Variants in ABCA7 observed in about 807,000 individuals in gnomAD.
ABCA7 encodes the protein ATP binding cassette subfamily A member 7.
Under a neutral mutation model 227.6 loss-of-function variants are expected in ABCA7, and 261 were observed. The observed-to-expected ratio is 1.15, with a 90% CI of 1.04 to 1.27. ABCA7 has a LOEUF of 1.27. ABCA7 is among the 50% of genes most tolerant of loss of function. The pLI, the probability that ABCA7 is intolerant of heterozygous loss-of-function variation, is 0.00. For missense variants in ABCA7, 3,331 were observed against 2,924.5 expected (o/e 1.14, Z -3.21); for synonymous variants, 1,488 against 1,279.7 (o/e 1.16, Z -3.47).
At position 1,052,207 on chromosome 19, in the gene ABCA7, C is replaced by A. The variant is rs555806599; in HGVS notation, c.3148-7C>A. 53 of 1,591,362 alleles carry A rather than the reference C, an allele frequency of 3.3e-5. No homozygotes were observed. The South Asian group carries it at 4.5e-4, about 14-fold the overall frequency. On this transcript the variant is annotated splice_region_variant and splice_polypyrimidine_tract_variant and intron_variant, in intron 22 of 46. Coordinates refer to ENST00000263094, the MANE Select transcript of ABCA7 (RefSeq NM_019112.4). ...GGCCAAGCCACTTGGTGCCTCTCTG[C>A]CCGCAGGCTGACACTGACATGGAGG...
intron 35 of ABCA7, among the ~76,000 whole-genome samples, 173 bp from the exon 36 acceptor site, chr19:1,057,742 A>G (rs1169349773): frequency 6.6e-6 from 1 of 152,034 alleles, no homozygotes; most frequent in East Asian, 1.9e-4. Flanking sequence ...CACCTCTAAA[A>G]AAGAAAGAAA....
chr19:1,063,427 C>T, intron 42 of ABCA7, 117 bp from the exon 43 acceptor site: 1 of 1,416,586 alleles, frequency 7.1e-7, no homozygotes, highest in Non-Finnish European at 9.5e-7. Context: ...TCACATTTGC[C>T]CTGCCCCATG....
rs145071620 is a variant in ABCA7 at position 1,058,860 on chromosome 19, G to A, written c.5320G>A (p.Glu1774Lys). ...TCTGCCACTCCTGGGAGAGGAGGAC[G>A]AGGATGTAGCCCGTGAACGGGAGCG... ...RSLPLLGEED[E>K]DVARERERVV... The change falls in exon 39 of 47, where the codon GAG becomes AAG. Residue 1774 changes from glutamate to lysine, a missense_variant. Coordinates refer to ENST00000263094, the MANE Select transcript of ABCA7 (RefSeq NM_019112.4). The A allele has an allele frequency of 1.6e-5, 26 of 1,577,908 alleles. No homozygotes were observed. The East Asian group carries it at 2.0e-4, about 12-fold the overall frequency.
At chr19:1,043,873 G>A (rs1183209942) in intron 10 of ABCA7, 32 bp downstream of exon 10, 4 of 1,591,306 alleles carry the variant, frequency 2.5e-6, no homozygotes, top group Non-Finnish European at 2.6e-6. Flanking sequence ...GTGGGATGTG[G>A]CTCCCCGGTG....
chr19:1,049,327 G>T lies in ABCA7; in HGVS notation c.2442G>T (p.Lys814Asn). 1 of 1,611,592 alleles carries T rather than the reference G, an allele frequency of 6.2e-7. No homozygotes were observed. The highest frequency in any genetic ancestry group is 8.5e-7 in the Non-Finnish European group (1 of 1,179,234). Residue 814 changes from lysine to asparagine, a missense_variant, in exon 18 of 47, where the codon AAG becomes AAT. By Grantham distance (94) the Lys-to-Asn change is moderately conservative. Transcript: ENST00000263094. ...GCGTCTCCGTTCGCAGCCTGGAGAA[G>T]CGCTTTCCTGGAAGCCCGCAGCCAG... ...SPGVSVRSLE[K>N]RFPGSPQPAL...
At position 1,056,532 on chromosome 19, in the gene ABCA7, C is replaced by T. The variant is rs760764518; in HGVS notation, c.4586+33C>T. The T allele has an allele frequency of 3.2e-6, 5 of 1,585,132 alleles. No individual in the cohort carries two copies. Among genetic ancestry groups the T allele is most frequent in the Non-Finnish European group, 1.7e-6 (2 of 1,164,206 alleles). On this transcript the variant is annotated intron_variant, in intron 33 of 46. Coordinates refer to ENST00000263094, the MANE Select transcript of ABCA7 (RefSeq NM_019112.4). The surrounding 1 kb of genome is among the most constrained non-coding windows in gnomAD (Gnocchi z 4.3). ...CCTCCACCCTGCATGTCCTACCCTGCACGTCCTACCCTGCCTCCATTTCTC... is the reference window on the plus strand; with the variant it reads ...CCTCCACCCTGCATGTCCTACCCTGTACGTCCTACCCTGCCTCCATTTCTC...
Position 1,047,397 on chromosome 19 carries a change from G to A in ABCA7, c.2067+19G>A, listed in dbSNP as rs772473469. 26 of 1,554,852 alleles carry A rather than the reference G, an allele frequency of 1.7e-5. No homozygotes were observed. In the East Asian group the frequency reaches 5.6e-4, roughly 34 times the overall value. On this transcript the variant is annotated intron_variant, in intron 15 of 46. Transcript: ENST00000263094. ...GGCCGCGGTGAGAGCCGGGTCGGGC[G>A]TGGATGGGGGACGCCCCCCGCTTCG...
At position 1,058,804 on chromosome 19, in the gene ABCA7, G is replaced by A. The variant is rs371789813; in HGVS notation, c.5280-16G>A. On this transcript the variant is annotated splice_polypyrimidine_tract_variant and intron_variant, in intron 38 of 46. Transcript: ENST00000263094. ...GCCAAGGACCTACTTTAAGCCCACA[G>A]ATATTCTGTCCCCAGGCCCAGGGTG... is the stretch of plus-strand genomic sequence containing the variant. 1.6e-4 allele frequency: 261 copies of A among 1,590,616 alleles called. No homozygotes were observed. Among genetic ancestry groups the A allele is most frequent in the Non-Finnish European group, 2.0e-4 (232 of 1,165,814 alleles).
Position 1,065,556 on chromosome 19 carries a change from A to G in ABCA7, c.*131A>G. 3 of 1,155,730 alleles carry G rather than the reference A, an allele frequency of 2.6e-6. No individual in the cohort carries two copies. The highest frequency in any genetic ancestry group is 2.5e-5 in the East Asian group (1 of 39,990). 71.6% of individuals were successfully genotyped at this position (1,155,730 alleles called of 1,614,324 possible). On this transcript the variant is annotated 3_prime_UTR_variant, in exon 47 of 47. Transcript: ENST00000263094. ...AGAAAATAAAGAGAAGGCTGGAGAG[A>G]AGCCGTGGTGGTGAAACCGTGTGCA...
rs773614271 is a variant in ABCA7, at chr19:1,056,453, AACC to A, written c.4544_4546del (p.His1515del). On this transcript the variant is annotated inframe_deletion, in exon 33 of 47. Coordinates refer to ENST00000263094, the MANE Select transcript of ABCA7 (RefSeq NM_019112.4). This position sits in a 1 kb window ranked among gnomAD's most constrained non-coding sequence, Gnocchi z 4.3. ...CCACGCCCACAGCATCACCACACTC[AACC>A]ACCCCTTGAACCTCACCAAGGAGCA... is the stretch of plus-strand genomic sequence containing the variant. 4.0e-5 allele frequency: 64 copies of A among 1,613,290 alleles called. No individual in the cohort carries two copies. The African/African-American group carries it at 6.3e-4, about 16-fold the overall frequency.
intron 6 of ABCA7, 122 bp from the exon 7 acceptor site, chr19:1,042,624 C>G (rs2040173656): frequency 8.7e-7 from 1 of 1,154,564 alleles, no homozygotes; most frequent in Non-Finnish European, 1.3e-6. Context: ...CTCTCAGAGC[C>G]TCAGTTTCCC....
chr19:1,054,764 C>T lies in ABCA7; in HGVS notation c.3852-16C>T. ...TGGGGGTACAGCCCTGACCCTACAT[C>T]TCCCCTCACACACAGTGAGGACGCC... is the stretch of plus-strand genomic sequence containing the variant. On this transcript the variant is annotated splice_polypyrimidine_tract_variant and intron_variant, in intron 28 of 46. Coordinates refer to ENST00000263094, the MANE Select transcript of ABCA7 (RefSeq NM_019112.4). The surrounding 1 kb of genome is among the most constrained non-coding windows in gnomAD (Gnocchi z 4.8). The T allele has an allele frequency of 6.2e-7, 1 of 1,607,542 alleles. No individual in the cohort carries two copies. Among genetic ancestry groups the T allele is most frequent in the Non-Finnish European group, 8.5e-7 (1 of 1,176,870 alleles).
intron 12 of ABCA7, among the ~76,000 whole-genome samples, chr19:1,045,972 A>G (rs943863189): frequency 7.0e-5 from 10 of 143,510 alleles, no homozygotes; most frequent in Non-Finnish European, 1.4e-4. Context: ...GCGCCACTGC[A>G]CTCCAGCCTG....
In ABCA7 at chr19:1,048,976, C is replaced by A. The variant is rs747657133; in HGVS notation, c.2351C>A (p.Ala784Asp). The A allele has an allele frequency of 2.5e-6, 4 of 1,603,702 alleles. No individual in the cohort carries two copies. ...GGACCTCGGCCCCCCAAGAGTCCAG[C>A]CCCTTGCCCCACCCCGCTGGACCCA... ...WCGPRPPKSP[A>D]PCPTPLDPKV... is the part of the protein sequence containing the mutation. The change falls in exon 17 of 47, where the codon GCC becomes GAC. Residue 784 changes from alanine to aspartate, a missense_variant. By Grantham distance (126) the Ala-to-Asp change is moderately radical. Transcript: ENST00000263094.
chr19:1,064,806 G>A (rs1399606645), intron 45 of ABCA7, 125 bp from the exon 46 acceptor site: 9 of 1,387,950 alleles, frequency 6.5e-6, no homozygotes, highest in Non-Finnish European at 7.5e-6. Context: ...GAGACGGGAG[G>A]ACCACTTGAT....
Position 1,056,830 on chromosome 19 carries a change from T to C in ABCA7, c.4587-77T>C. Reference sequence around the variant, plus strand: ...GACTGCCCCATAGACCTTTGTCCCATCAATGGCGTGTTCAGCTCTGCTCTG... The same window carrying C: ...GACTGCCCCATAGACCTTTGTCCCACCAATGGCGTGTTCAGCTCTGCTCTG... On this transcript the variant is annotated intron_variant, in intron 33 of 46. Coordinates refer to ENST00000263094, the MANE Select transcript of ABCA7 (RefSeq NM_019112.4). The surrounding 1 kb of genome is among the most constrained non-coding windows in gnomAD (Gnocchi z 4.3). 1 of 1,483,824 alleles carries C rather than the reference T, an allele frequency of 6.7e-7. No homozygotes were observed. The highest frequency in any genetic ancestry group is 9.2e-7 in the Non-Finnish European group (1 of 1,083,856). The allele number at this position is 1,483,824 out of a possible 1,614,324, so 91.9% of individuals were successfully genotyped here. A position where few individuals can be genotyped will look rare whatever the true frequency, so the allele number is the denominator to read the frequency against.
Position 1,055,250 on chromosome 19 carries a change from G to A in ABCA7, c.4104G>A (p.Pro1368=), listed in dbSNP as rs555514637. Residue 1368 remains proline (P), a synonymous_variant, in exon 30 of 47, where the codon CCG becomes CCA. Transcript: ENST00000263094. Reference sequence around the variant, plus strand: ...CGGCTGCAGCTGGTGGTCCCCCTCCGCCCCAGGCAGTGACCGGCTCTGGGG... The same window carrying A: ...CGGCTGCAGCTGGTGGTCCCCCTCCACCCCAGGCAGTGACCGGCTCTGGGG... ...DCPAAAGGPP[P]PQAVTGSGEV... is the part of the protein sequence containing the mutation. 1.0e-4 allele frequency: 165 copies of A among 1,603,318 alleles called. 1 individual carries two copies. The highest frequency in any genetic ancestry group is 5.8e-4 in the South Asian group (52 of 89,926).
At position 1,055,167 on chromosome 19, in the gene ABCA7, C is replaced by T; in HGVS notation, c.4021C>T (p.Pro1341Ser). Reference protein sequence around the residue: ...LASGNWTPESPSPACQCSRPG... With the variant: ...LASGNWTPESSSPACQCSRPG... ...CAGTGGCAACTGGACCCCAGAGTCT[C>T]CATCCCCAGCCTGCCAGTGTAGCCG... The change falls in exon 30 of 47, where the codon CCA (proline) becomes TCA (serine). Residue 1341 changes from proline (P) to serine (S), a missense_variant. Pro to Ser is a moderately conservative substitution (Grantham distance 74). Transcript: ENST00000263094. The T allele has an allele frequency of 6.2e-7, 1 of 1,612,388 alleles. No individual in the cohort carries two copies. Among genetic ancestry groups the T allele is most frequent in the Non-Finnish European group, 8.5e-7 (1 of 1,179,798 alleles).
chr19:1,055,029 C>T, intron 29 of ABCA7, 68 bp from the exon 30 acceptor site: 4 of 1,540,192 alleles, frequency 2.6e-6, no homozygotes, highest in Non-Finnish European at 3.5e-6. Flanking sequence ...CCCCCAGAAG[C>T]TGGGTGCCCA....
Sources: gnomAD v4.1 joint callset for allele counts (sites outside exome capture counted in the v4.1 genomes callset) on GRCh38, gnomAD v4.1.1 for gene constraint, Gnocchi (gnomAD v3.1) non-coding constraint, MANE v1.5 for transcripts, NCBI Gene and HGNC (gene_info 2026-07-23, HGNC 2026-07-21) for gene names.